The following FBN1 variants were observed in gnomAD, a reference collection of about 807,000 sequenced individuals.
FBN1 encodes fibrillin 1, also known as fibrillin-1.
Under a neutral mutation model 365.1 loss-of-function variants are expected in FBN1, and 29 were observed. The observed-to-expected ratio is 0.08, with a 90% confidence interval of 0.06 to 0.11. The LOEUF (loss-of-function observed/expected upper bound fraction) is 0.11, where lower values mean the gene tolerates loss of function less well. FBN1 is among the 10% of genes least tolerant of loss of function. FBN1 has a pLI of 1.00. For missense variants in FBN1, 2,476 were observed against 3,703.2 expected (o/e 0.67, Z 8.60); for synonymous variants, 1,210 against 1,270.5 (o/e 0.95, Z 1.01).
chr15:48,639,142 G>A lies in FBN1; in HGVS notation c.164+5464C>T, dbSNP rs116823672. ...ACCAATGTCTTGGGCCTGCATTTTT[G>A]TCTGGTGGAATGAAAAACCAAAACC... On this transcript the variant is annotated intron_variant, in intron 2 of 65. Coordinates refer to ENST00000316623, the MANE Select transcript of FBN1 (RefSeq NM_000138.5). 5.7e-3 allele frequency among the ~76,000 whole-genome samples: 875 copies of A among 152,286 alleles called. 8 individuals carry two copies. Among genetic ancestry groups the A allele is most frequent in the African/African-American group, 0.02 (836 of 41,544 alleles).
intron 6 of FBN1, among the ~76,000 whole-genome samples, chr15:48,573,064 G>C (rs2140674962): frequency 6.6e-6 from 1 of 152,280 alleles, no homozygotes; most frequent in South Asian, 2.1e-4. Context: ...AGGTGGGAAA[G>C]ACCAGCTCAT....
rs538199177 is a variant in FBN1 at position 48,516,907 on chromosome 15, C to T, written c.1148-545G>A. ...CGGATGGGGGAGTCAGTGATTGAATCGGACAGAAGTGGACAAATCTGAAGC... is the reference window on the plus strand; with the variant it reads ...CGGATGGGGGAGTCAGTGATTGAATTGGACAGAAGTGGACAAATCTGAAGC... On this transcript the variant is annotated intron_variant, in intron 10 of 65. Transcript: ENST00000316623. 3.8e-4 allele frequency among the ~76,000 whole-genome samples: 58 copies of T among 152,186 alleles called. No homozygotes were observed. The South Asian group carries it at 9.6e-3, about 25-fold the overall frequency.
intron 9 of FBN1, among the ~76,000 whole-genome samples, chr15:48,524,169 T>C (rs1363768543): frequency 6.6e-6 from 1 of 152,056 alleles, no homozygotes; most frequent in African/African-American, 2.4e-5. Context: ...CAGGCAATAT[T>C]ACAAATGCCA....
At chr15:48,435,234 T>C (rs1157940248) in intron 53 of FBN1, among the ~76,000 whole-genome samples, 1 of 152,056 alleles carries the variant, frequency 6.6e-6, no homozygotes, top group Non-Finnish European at 1.5e-5. Flanking sequence ...TGCCTGGACA[T>C]ATAGCCCTTA....
intron 32 of FBN1, among the ~76,000 whole-genome samples, chr15:48,479,318 C>A (rs1463532198): frequency 6.6e-6 from 1 of 152,112 alleles, no homozygotes; most frequent in Non-Finnish European, 1.5e-5. Context: ...AATGTGATGC[C>A]CTTCCACAGG....
At chr15:48,527,909 G>T (rs1350168831) in intron 8 of FBN1, among the ~76,000 whole-genome samples, 1 of 152,240 alleles carries the variant, frequency 6.6e-6, no homozygotes, top group African/African-American at 2.4e-5. Context: ...AAACTGCCAA[G>T]GGCAGACAGA....
chr15:48,451,512 GT>G (rs2141254770), intron 45 of FBN1, among the ~76,000 whole-genome samples: 2 of 152,094 alleles, frequency 1.3e-5, no homozygotes, highest in South Asian at 4.2e-4. Context: ...TCCCACCAAG[GT>G]CTCATAAAAC....
At chr15:48,498,580 A>G (rs2043628013) in intron 18 of FBN1, among the ~76,000 whole-genome samples, 1 of 152,228 alleles carries the variant, frequency 6.6e-6, no homozygotes, top group South Asian at 2.1e-4. Context: ...AGCACTTAAC[A>G]GTTCAGAATC....
intron 8 of FBN1, among the ~76,000 whole-genome samples, chr15:48,532,172 T>C (rs2043978415): frequency 6.6e-6 from 1 of 152,242 alleles, no homozygotes; most frequent in Admixed American, 6.5e-5. Flanking sequence ...TTAATTGACT[T>C]GTCTGAATGA....
chr15:48,586,887 T>C (rs1175846905), intron 6 of FBN1, among the ~76,000 whole-genome samples: 2 of 152,202 alleles, frequency 1.3e-5, no homozygotes, highest in Non-Finnish European at 2.9e-5. Context: ...ATCTCCAAGA[T>C]GAAGACATTA....
In FBN1 at chr15:48,485,528, A is replaced by C. The variant is rs114733468; in HGVS notation, c.3590-32T>G. 2.7e-4 allele frequency: 429 copies of C among 1,612,834 alleles called. No homozygotes were observed. The African/African-American group carries it at 5.0e-3, about 19-fold the overall frequency. On this transcript the variant is annotated intron_variant, in intron 29 of 65. Transcript: ENST00000316623. ...GAAATGAAAATAATATCACCTTCTG[A>C]TATGGTTTGGATGTCTGTCCCCTCC...
chr15:48,596,454 A>G (rs1418126141), intron 5 of FBN1, 76 bp from the exon 6 acceptor site: 4 of 1,347,108 alleles, frequency 3.0e-6, no homozygotes, highest in Non-Finnish European at 4.2e-6. Flanking sequence ...GGTCCTCTGG[A>G]AGGACAACAA....
At chr15:48,460,039 A>G (rs2043268997) in intron 43 of FBN1, among the ~76,000 whole-genome samples, 1 of 152,224 alleles carries the variant, frequency 6.6e-6, no homozygotes, top group Non-Finnish European at 1.5e-5. Context: ...AATCCCCTTA[A>G]TCATGAACAA....
chr15:48,584,489 C>T (rs879326874), intron 6 of FBN1, among the ~76,000 whole-genome samples: 6 of 152,190 alleles, frequency 3.9e-5, no homozygotes, highest in Non-Finnish European at 7.3e-5. Context: ...AAAATAATTT[C>T]ACTATCATTT....
chr15:48,551,700 G>A (rs1247961793), intron 6 of FBN1, among the ~76,000 whole-genome samples: 3 of 151,978 alleles, frequency 2.0e-5, no homozygotes, highest in Admixed American at 6.6e-5. Flanking sequence ...GGCCCAGTGT[G>A]TGCTATTCTC....
chr15:48,638,416 A>C (rs1476872862), intron 2 of FBN1, among the ~76,000 whole-genome samples: 3 of 152,248 alleles, frequency 2.0e-5, no homozygotes, highest in Admixed American at 1.3e-4. Flanking sequence ...TAAAATATTA[A>C]GATTAAGAGC....
intron 3 of FBN1, 123 bp from the exon 4 acceptor site, chr15:48,610,949 A>C (rs902855846): frequency 2.7e-6 from 2 of 746,534 alleles, no homozygotes; most frequent in African/African-American, 3.5e-5. Flanking sequence ...ATCATGACTT[A>C]TATGACCTTA....
In FBN1 at chr15:48,472,560, C is replaced by T. The variant is rs1370217982; in HGVS notation, c.4327G>A (p.Ala1443Thr). 11 of 1,613,670 alleles carry T rather than the reference C, an allele frequency of 6.8e-6. No individual in the cohort carries two copies. Among genetic ancestry groups the T allele is most frequent in the South Asian group, 3.3e-5 (3 of 91,078 alleles). ...CTTCCCCATCAGTTACCTTCACAGG[C>T]TTTCCCGTCAGCACTGGGCACGAAG... The part of the protein sequence containing the change: ...MGFVPSADGK[A>T]CEDIDECSLP... Residue 1443 changes from alanine to threonine, a missense_variant, in exon 35 of 66, where the codon GCC (alanine) becomes ACC (threonine). Ala to Thr is a moderately conservative substitution (Grantham distance 58). This residue lies in a region of FBN1 where 1,780 missense variants were observed against 2,840.8 expected (regional missense o/e 0.63). Transcript: ENST00000316623.
chr15:48,619,754 G>A lies in FBN1; in HGVS notation c.165-6662C>T, dbSNP rs557651976. 2.0e-5 allele frequency among the ~76,000 whole-genome samples: 3 copies of A among 149,336 alleles called. No individual in the cohort carries two copies. In the East Asian group the frequency reaches 5.9e-4, roughly 29 times the overall value. ...TTTTTTAAGTTTCTTGTTTTTTTGT[G>A]ACTATGGAAATAAAATATGATTAAG... is the stretch of plus-strand genomic sequence containing the variant. On this transcript the variant is annotated intron_variant, in intron 2 of 65. Transcript: ENST00000316623.
Sources: gnomAD v4.1 joint callset for allele counts (sites outside exome capture counted in the v4.1 genomes callset) on GRCh38, gnomAD v4.1.1 for gene constraint, gnomAD v4.1.1 regional missense constraint, MANE v1.5 for transcripts, NCBI Gene and HGNC (gene_info 2026-07-23, HGNC 2026-07-21) for gene names.